ZNF787: variants seen among roughly 807,000 people sequenced by gnomAD.
The protein encoded by ZNF787 is zinc finger protein 787.
Under a neutral mutation model 16.9 loss-of-function variants are expected in ZNF787, and 7 were observed. The ratio of observed to expected loss-of-function variants is 0.42; its 90% CI spans 0.24 to 0.78. The LOEUF (loss-of-function observed/expected upper bound fraction) is 0.78, where lower values mean the gene tolerates loss of function less well. ZNF787 is among the 30% of genes least tolerant of loss of function. ZNF787 has a pLI of 0.30. For missense variants in ZNF787, 551 were observed against 589.3 expected (o/e 0.94, Z 0.67); for synonymous variants, 345 against 270.9 (o/e 1.27, Z -2.69).
intron 2 of ZNF787, among the ~76,000 whole-genome samples, chr19:56,093,959 C>A (rs1985763796): frequency 6.6e-6 from 1 of 152,190 alleles, no homozygotes; most frequent in African/African-American, 2.4e-5. Flanking sequence ...AGGGACTCTG[C>A]CTATCCATAT....
chr19:56,088,387 G>T lies in ZNF787; in HGVS notation c.785C>A (p.Ala262Glu), dbSNP rs1985426365. 1 of 1,086,446 alleles carries T rather than the reference G, an allele frequency of 9.2e-7. No individual in the cohort carries two copies. The highest frequency in any genetic ancestry group is 1.1e-6 in the Non-Finnish European group (1 of 893,370). 67.3% of individuals were successfully genotyped at this position (1,086,446 alleles called of 1,614,324 possible). The change falls in exon 3 of 3, where the codon GCG becomes GAG. Residue 262 changes from alanine (A) to glutamate (E), a missense_variant. Physicochemically the swap from Ala to Glu is moderately radical, Grantham distance 107 (BLOSUM62 -1). Coordinates refer to ENST00000610935, the MANE Select transcript of ZNF787 (RefSeq NM_001002836.4). The surrounding 1 kb of genome is among the most constrained non-coding windows in gnomAD (Gnocchi z 8.6). ...CCGGGGCCCCGCGGCCTTTGCCCCC[G>T]CGCCCGCCATGGCTGCCGCGGCCGC... is the stretch of plus-strand genomic sequence containing the variant. ...GAAAAAAMAG[A>E]GAKAAGPRSR...
intron 2 of ZNF787, among the ~76,000 whole-genome samples, chr19:56,099,353 G>T (rs1355783049): frequency 6.6e-6 from 1 of 152,206 alleles, no homozygotes; most frequent in Non-Finnish European, 1.5e-5. Context: ...CGCAGGGGAG[G>T]GGACATGGGG....
chr19:56,094,040 T>G (rs1410021092), intron 2 of ZNF787, among the ~76,000 whole-genome samples: 1 of 140,094 alleles, frequency 7.1e-6, no homozygotes, highest in Non-Finnish European at 1.6e-5. Context: ...TTTATTTATT[T>G]TGAGACGCAG....
intron 1 of ZNF787, among the ~76,000 whole-genome samples, chr19:56,117,840 G>A (rs2030182128): frequency 6.6e-6 from 1 of 152,224 alleles, no homozygotes; most frequent in African/African-American, 2.4e-5. Context: ...CTGACTGGCT[G>A]GACCCTGGGC....
chr19:56,088,990 C>A lies in ZNF787; in HGVS notation c.182G>T (p.Arg61Leu). ...GTTGCAGATGTAGGGGGCGGGCGGC[C>A]GCGGCCGGGGAGGCGGGCCGGCTGG... ...APPAGPPPRP[R>L]PPAPYICNEC... is the part of the protein sequence containing the mutation. Residue 61 changes from arginine (R) to leucine (L), a missense_variant, in exon 3 of 3, where the codon CGG becomes CTG. This residue lies in a region of ZNF787 where 80 missense variants were observed against 105.9 expected (regional missense o/e 0.76). Transcript: ENST00000610935. The surrounding 1 kb of genome is among the most constrained non-coding windows in gnomAD (Gnocchi z 8.6). 1 of 1,489,398 alleles carries A rather than the reference C, an allele frequency of 6.7e-7. No individual in the cohort carries two copies. The highest frequency in any genetic ancestry group is 8.9e-7 in the Non-Finnish European group (1 of 1,120,626). 92.3% of individuals were successfully genotyped at this position (1,489,398 alleles called of 1,614,324 possible).
intron 2 of ZNF787, among the ~76,000 whole-genome samples, chr19:56,089,377 A>G (rs1276890937): frequency 1.3e-5 from 2 of 152,012 alleles, no homozygotes; most frequent in Admixed American, 6.5e-5. Context: ...GCAACATAAG[A>G]GGCATGGGCG....
chr19:56,108,872 G>A (rs770032041), intron 1 of ZNF787, among the ~76,000 whole-genome samples: 1 of 152,198 alleles, frequency 6.6e-6, no homozygotes, highest in Non-Finnish European at 1.5e-5. Context: ...CATGCTTGCA[G>A]CCCGACCAGG....
rs1451455757 is a variant in ZNF787 at position 56,089,015 on chromosome 19, G to C, written c.157C>G (p.Pro53Ala). The change falls in exon 3 of 3, where the codon CCA becomes GCA. Residue 53 changes from proline (P) to alanine (A), a missense_variant. Coordinates refer to ENST00000610935, the MANE Select transcript of ZNF787 (RefSeq NM_001002836.4). ...CGCGGCCGGGGAGGCGGGCCGGCTG[G>C]GGGCGCAGACTGGGGCGGGGACAGC... is the stretch of plus-strand genomic sequence containing the variant. The part of the protein sequence containing the change: ...TKLSPPQSAP[P>A]AGPPPRPRPP... 2.0e-6 allele frequency: 3 copies of C among 1,489,480 alleles called. No individual in the cohort carries two copies. The highest frequency in any genetic ancestry group is 2.7e-6 in the Non-Finnish European group (3 of 1,123,032). 92.3% of individuals were successfully genotyped at this position (1,489,480 alleles called of 1,614,324 possible).
At position 56,087,818 on chromosome 19, in the gene ZNF787, A is replaced by T. The variant is rs947780335; in HGVS notation, c.*205T>A. 1.7e-4 allele frequency: 134 copies of T among 784,944 alleles called. No individual in the cohort carries two copies. Among genetic ancestry groups the T allele is most frequent in the Non-Finnish European group, 2.1e-4 (122 of 586,134 alleles). 48.6% of individuals were successfully genotyped at this position (784,944 alleles called of 1,614,324 possible). A position where few individuals can be genotyped will look rare whatever the true frequency, so the allele number is the denominator to read the frequency against. ...AGGGCGGGCCAGGCTGAGGGGGCAGAGTCTCGAGGCGGAGAAGTGAACGGG... is the reference window on the plus strand; with the variant it reads ...AGGGCGGGCCAGGCTGAGGGGGCAGTGTCTCGAGGCGGAGAAGTGAACGGG... On this transcript the variant is annotated 3_prime_UTR_variant, in exon 3 of 3. Transcript: ENST00000610935.
At chr19:56,099,704 C>G in intron 2 of ZNF787, among the ~76,000 whole-genome samples, 1 of 69,248 alleles carries the variant, frequency 1.4e-5, no homozygotes, top group East Asian at 2.9e-4. Flanking sequence ...GAGTGAGGCT[C>G]CGTCTCAAAA....
chr19:56,109,787 G>T (rs962721486), intron 1 of ZNF787, among the ~76,000 whole-genome samples: 7 of 152,194 alleles, frequency 4.6e-5, no homozygotes, highest in African/African-American at 1.7e-4. Context: ...GGGAGGCTGA[G>T]GCAGGAGAAT....
At chr19:56,116,054 C>T (rs1212234186) in intron 1 of ZNF787, among the ~76,000 whole-genome samples, 1 of 151,974 alleles carries the variant, frequency 6.6e-6, no homozygotes, top group Non-Finnish European at 1.5e-5. Flanking sequence ...GTTGACAGTG[C>T]GGGGGCTGTG....
chr19:56,099,062 G>A (rs1447309030), intron 2 of ZNF787, among the ~76,000 whole-genome samples: 1 of 152,176 alleles, frequency 6.6e-6, no homozygotes, highest in East Asian at 1.9e-4. Context: ...GATCTGTCCC[G>A]CCTGCAGGCC....
chr19:56,112,804 G>A (rs552790272), intron 1 of ZNF787, among the ~76,000 whole-genome samples: 11 of 151,774 alleles, frequency 7.2e-5, no homozygotes, highest in South Asian at 2.1e-4. Flanking sequence ...AACCTCTTTG[G>A]AGCCACCATG....
At chr19:56,103,515 A>T in intron 1 of ZNF787, 1 of 395,516 alleles carries the variant, frequency 2.5e-6, no homozygotes. Context: ...CCCCAGCTGG[A>T]CCTGGGGCAA....
At position 56,087,841 on chromosome 19, in the gene ZNF787, GGGCCC is replaced by G. The variant is rs1985351469; in HGVS notation, c.*177_*181del. The G allele has an allele frequency of 2.0e-6, 2 of 982,910 alleles. No individual in the cohort carries two copies. Among genetic ancestry groups the G allele is most frequent in the Non-Finnish European group, 2.6e-6 (2 of 761,506 alleles). 60.9% of individuals were successfully genotyped at this position (982,910 alleles called of 1,614,324 possible). ...AGAGTCTCGAGGCGGAGAAGTGAAC[GGGCCC>G]TAATACGCCCCAGTGCCCCCCCACG... On this transcript the variant is annotated 3_prime_UTR_variant, in exon 3 of 3. Coordinates refer to ENST00000610935, the MANE Select transcript of ZNF787 (RefSeq NM_001002836.4).
intron 1 of ZNF787, among the ~76,000 whole-genome samples, chr19:56,106,587 C>T (rs1177822165): frequency 2.0e-5 from 3 of 152,244 alleles, no homozygotes; most frequent in Non-Finnish European, 4.4e-5. Context: ...GCCCCAGTTC[C>T]TGGTGTGACC....
chr19:56,094,534 G>A (rs779966798), intron 2 of ZNF787, among the ~76,000 whole-genome samples: 1 of 151,066 alleles, frequency 6.6e-6, no homozygotes, highest in South Asian at 2.1e-4. Flanking sequence ...TTTAAAGAAC[G>A]ATGTTTTTAT....
rs117677883 is a variant in ZNF787 at position 56,113,255 on chromosome 19, G to A, written c.-11+7917C>T. On this transcript the variant is annotated intron_variant, in intron 1 of 2. Coordinates refer to ENST00000610935, the MANE Select transcript of ZNF787 (RefSeq NM_001002836.4). Reference sequence around the variant, plus strand: ...GAAAACAAGTGCTGGTGAGGACCAGGAGAAGTGGGGAGACCCCCATTGCTG... The same window carrying A: ...GAAAACAAGTGCTGGTGAGGACCAGAAGAAGTGGGGAGACCCCCATTGCTG... Among the ~76,000 whole-genome samples the A allele has an allele frequency of 1.1e-3, 169 of 152,246 alleles. 2 individuals carry two copies. In the East Asian group the frequency reaches 0.03, roughly 27 times the overall value.
Sources: allele counts gnomAD v4.1 joint callset (sites outside exome capture counted in the v4.1 genomes callset), GRCh38; gene constraint gnomAD v4.1.1; regional missense constraint gnomAD v4.1.1; non-coding constraint Gnocchi (gnomAD v3.1); transcripts MANE v1.5; gene names NCBI Gene and HGNC (gene_info 2026-07-23, HGNC 2026-07-21).